PTGER3: variants seen among roughly 807,000 people sequenced by gnomAD.
PTGER3 encodes prostaglandin E2 receptor EP3 subtype.
PTGER3 carries 22 observed loss-of-function variants against 34.7 expected under a neutral mutation model. That is an observed-to-expected ratio of 0.63 (90% CI 0.45 to 0.91). PTGER3 has a LOEUF of 0.91. PTGER3 is among the 40% of genes least tolerant of loss of function. The probability of loss-of-function intolerance (pLI) is 0.00; values close to 1 mark genes in which losing one functional copy is unlikely to be tolerated. For synonymous variants in PTGER3, 241 were observed against 230.1 expected, an observed-to-expected ratio of 1.05 and a Z score of -0.43; for missense variants, 468 against 519.4, an observed-to-expected ratio of 0.90 and a Z score of 0.96.
At chr1:70,954,965 G>GA (rs1651171150) in intron 2 of PTGER3, among the ~76,000 whole-genome samples, 1 of 152,060 alleles carries the variant, frequency 6.6e-6, no homozygotes, top group Non-Finnish European at 1.5e-5. Flanking sequence ...CTACCTATAT[G>GA]AAAAAAGAGA....
intron 4 of PTGER3, among the ~76,000 whole-genome samples, chr1:70,932,517 G>A (rs954273218): frequency 9.2e-5 from 14 of 152,164 alleles, no homozygotes; most frequent in Non-Finnish European, 1.9e-4. Flanking sequence ...TGGCTGAGGA[G>A]GCCTCAGAAT....
At chr1:70,960,992 T>C (rs933467624) in intron 2 of PTGER3, among the ~76,000 whole-genome samples, 4 of 152,172 alleles carry the variant, frequency 2.6e-5, no homozygotes, top group Admixed American at 6.5e-5. Flanking sequence ...CTGCACCCCA[T>C]AGTTGCCATT....
At position 71,047,582 on chromosome 1, in the gene PTGER3, G is replaced by A; in HGVS notation, c.-5C>T. ...GTAGCCCCGGGTCTCCTTCATGTTGGCTTCGAGGTGAGGAGGGGATGGCGT... is the reference window on the plus strand; with the variant it reads ...GTAGCCCCGGGTCTCCTTCATGTTGACTTCGAGGTGAGGAGGGGATGGCGT... On this transcript the variant is annotated 5_prime_UTR_variant, in exon 1 of 4. Transcript: ENST00000306666. 1 of 1,526,890 alleles carries A rather than the reference G, an allele frequency of 6.5e-7. No homozygotes were observed. The highest frequency in any genetic ancestry group is 8.8e-7 in the Non-Finnish European group (1 of 1,130,548). 94.6% of individuals were successfully genotyped at this position (1,526,890 alleles called of 1,614,324 possible). A position where few individuals can be genotyped will look rare whatever the true frequency, so the allele number is the denominator to read the frequency against.
At chr1:70,960,058 C>T (rs555612232) in intron 2 of PTGER3, among the ~76,000 whole-genome samples, 4 of 152,116 alleles carry the variant, frequency 2.6e-5, no homozygotes, top group Non-Finnish European at 5.9e-5. Context: ...GATTGGTATG[C>T]ATCTACAAAC....
chr1:71,027,417 C>A (rs1659026879), intron 1 of PTGER3, among the ~76,000 whole-genome samples: 1 of 152,134 alleles, frequency 6.6e-6, no homozygotes, highest in Non-Finnish European at 1.5e-5. Context: ...CCTGCTTTGG[C>A]CTCTCAAAGC....
At chr1:70,920,673 C>T (rs1303954421) in intron 4 of PTGER3, among the ~76,000 whole-genome samples, 1 of 152,152 alleles carries the variant, frequency 6.6e-6, no homozygotes, top group African/African-American at 2.4e-5. Context: ...AAAGCCATTT[C>T]AACAACACTA....
chr1:70,917,100 C>T (rs1647190328), intron 4 of PTGER3, among the ~76,000 whole-genome samples: 1 of 151,932 alleles, frequency 6.6e-6, no homozygotes. Flanking sequence ...TAGAGTCACT[C>T]TACTGTGTAA....
At chr1:70,868,706 T>C (rs532814926) in intron 4 of PTGER3, among the ~76,000 whole-genome samples, 2 of 152,166 alleles carry the variant, frequency 1.3e-5, no homozygotes, top group Non-Finnish European at 2.9e-5. Flanking sequence ...AAAATAAAAA[T>C]GGAAGCCCTT....
At chr1:70,978,775 G>T (rs1015117640) in intron 2 of PTGER3, among the ~76,000 whole-genome samples, 7 of 152,104 alleles carry the variant, frequency 4.6e-5, no homozygotes, top group African/African-American at 1.4e-4. Context: ...CATGCCAGCT[G>T]CCACCAAGAG....
chr1:70,933,217 T>C (rs1464433052), intron 4 of PTGER3, among the ~76,000 whole-genome samples: 2 of 152,134 alleles, frequency 1.3e-5, no homozygotes, highest in African/African-American at 2.4e-5. Flanking sequence ...TTAAGACTTA[T>C]AGCAGTTTCC....
At chr1:70,933,736 T>A (rs1648947590) in intron 4 of PTGER3, among the ~76,000 whole-genome samples, 1 of 152,178 alleles carries the variant, frequency 6.6e-6, no homozygotes, top group African/African-American at 2.4e-5. Context: ...TCACCTAGTT[T>A]TAATAGCTAG....
intron 4 of PTGER3, among the ~76,000 whole-genome samples, chr1:70,860,126 A>G (rs1395177325): frequency 6.6e-6 from 1 of 152,176 alleles, no homozygotes; most frequent in African/African-American, 2.4e-5. Flanking sequence ...TGAAGTCAAG[A>G]CAAGTAAAGT....
At chr1:70,974,648 C>G (rs184414087) in intron 2 of PTGER3, among the ~76,000 whole-genome samples, 21 of 152,210 alleles carry the variant, frequency 1.4e-4, no homozygotes, top group African/African-American at 4.6e-4. Context: ...TTGTTAAAGG[C>G]TGAATAAGAA....
At chr1:71,044,796 T>C (rs1347537411) in intron 1 of PTGER3, among the ~76,000 whole-genome samples, 2 of 152,180 alleles carry the variant, frequency 1.3e-5, no homozygotes, top group African/African-American at 4.8e-5. Flanking sequence ...ACTGTATGGG[T>C]ATTTTGTTCA....
At chr1:70,906,394 T>A (rs1473947153) in intron 4 of PTGER3, among the ~76,000 whole-genome samples, 1 of 152,200 alleles carries the variant, frequency 6.6e-6, no homozygotes, top group Non-Finnish European at 1.5e-5. Flanking sequence ...AAGTCATGGA[T>A]GCCTACATTC....
chr1:70,983,383 C>T (rs1262885766), intron 2 of PTGER3, among the ~76,000 whole-genome samples: 3 of 152,124 alleles, frequency 2.0e-5, no homozygotes, highest in Non-Finnish European at 4.4e-5. Context: ...TTATCAGTTC[C>T]ATTGAGGCAG....
At chr1:71,028,621 G>T (rs182690286) in intron 1 of PTGER3, among the ~76,000 whole-genome samples, 12 of 151,984 alleles carry the variant, frequency 7.9e-5, no homozygotes, top group Admixed American at 6.5e-4. Context: ...ATGTTTAATT[G>T]TTATCCCCAG....
At chr1:70,952,795 A>C in exon 4 of PTGER3, 2 of 1,369,782 alleles carry the variant, frequency 1.5e-6, no homozygotes, top group South Asian at 4.1e-5. Context: ...CACCTTTCCG[A>C]GTCAATCAAC....
intron 1 of PTGER3, among the ~76,000 whole-genome samples, chr1:71,028,651 C>T (rs919185336): frequency 9.2e-5 from 14 of 152,058 alleles, no homozygotes; most frequent in Non-Finnish European, 2.1e-4. Context: ...CCAAACATCC[C>T]TTTCATTTTT....
Sources: allele counts gnomAD v4.1 joint callset (sites outside exome capture counted in the v4.1 genomes callset), GRCh38; gene constraint gnomAD v4.1.1; transcripts MANE v1.5; gene names NCBI Gene and HGNC (gene_info 2026-07-23, HGNC 2026-07-21).